The following TMEM242 variants were observed in gnomAD, a reference collection of about 807,000 sequenced individuals.
The protein encoded by TMEM242 is UPF0463 transmembrane protein C6orf35.
Under a neutral mutation model 18.2 loss-of-function variants are expected in TMEM242, and 10 were observed. That is an observed-to-expected ratio of 0.55 (90% confidence interval 0.34 to 0.93). The LOEUF (loss-of-function observed/expected upper bound fraction) is 0.93, where lower values mean the gene tolerates loss of function less well. Among genes scored for constraint, TMEM242 ranks in the 40% least tolerant of loss-of-function variants. TMEM242 has a pLI of 0.02. For synonymous variants in TMEM242, 57 were observed against 69.9 expected, an observed-to-expected ratio of 0.81 and a Z score of 0.92; for missense variants, 186 against 175.5, an observed-to-expected ratio of 1.06 and a Z score of -0.34.
At chr6:157,297,378 GC>G (rs781901743) in intron 3 of TMEM242, among the ~76,000 whole-genome samples, 79 of 152,170 alleles carry the variant, frequency 5.2e-4, no homozygotes, top group Non-Finnish European at 9.4e-4. Flanking sequence ...TTACTTAAAA[GC>G]CTCAGGTTAT....
At chr6:157,313,423 ACCTGGCCTCATCATAGTGCCCCAG>A (rs1778273692) in intron 3 of TMEM242, among the ~76,000 whole-genome samples, 1 of 63,976 alleles carries the variant, frequency 1.6e-5, no homozygotes. Flanking sequence ...GTGTGCGCTC[ACCTGGCCTCATCATAGTGCCCCAG>A]TCTGCGCTCA....
At chr6:157,304,473 AAAAAAAAAAAAAAAAAAAG>A (rs1777878875) in intron 3 of TMEM242, among the ~76,000 whole-genome samples, 1 of 120,420 alleles carries the variant, frequency 8.3e-6, no homozygotes, top group Admixed American at 8.6e-5. Flanking sequence ...AAAAAAAAAA[AAAAAAAAAAAAAAAAAAAG>A]AGAGAGAGAG....
chr6:157,322,821 GGGA>G lies in TMEM242; in HGVS notation c.89-19_89-17del. The G allele has an allele frequency of 6.3e-7, 1 of 1,593,628 alleles. No homozygotes were observed. Among genetic ancestry groups the G allele is most frequent in the Non-Finnish European group, 8.6e-7 (1 of 1,167,646 alleles). On this transcript the variant is annotated splice_polypyrimidine_tract_variant and intron_variant, in intron 1 of 3. Transcript: ENST00000400788. ...AAAATTCCACCTGCCAAGAGTTTCG[GGGA>G]GGAGGGGGGATATTAAAAAAAATTA...
intron 3 of TMEM242, among the ~76,000 whole-genome samples, chr6:157,313,042 G>A (rs797038945): frequency 0.019 from 910 of 48,106 alleles, 1 homozygote; most frequent in South Asian, 0.024. Flanking sequence ...GTGTCCCAGT[G>A]TGCACTCACC....
At chr6:157,312,143 G>C (rs1554249132) in intron 3 of TMEM242, among the ~76,000 whole-genome samples, 2 of 109,892 alleles carry the variant, frequency 1.8e-5, no homozygotes, top group African/African-American at 3.4e-5. Context: ...CGCTCACCTG[G>C]CCTCATCATA....
intron 3 of TMEM242, among the ~76,000 whole-genome samples, chr6:157,307,989 C>T (rs782641208): frequency 2.6e-5 from 4 of 152,160 alleles, no homozygotes; most frequent in African/African-American, 9.7e-5. Context: ...ATGTTTCAGC[C>T]GCTTCTCACA....
At chr6:157,315,029 AG>A (rs1554250203) in intron 3 of TMEM242, among the ~76,000 whole-genome samples, 1 of 152,246 alleles carries the variant, frequency 6.6e-6, no homozygotes, top group African/African-American at 2.4e-5. Flanking sequence ...GATTTTATCT[AG>A]AATGATCATC....
intron 3 of TMEM242, among the ~76,000 whole-genome samples, chr6:157,301,262 G>A (rs1378587793): frequency 6.6e-6 from 1 of 152,000 alleles, no homozygotes; most frequent in Admixed American, 6.6e-5. Flanking sequence ...AAAGATTTCC[G>A]CTTTAGAATA....
At chr6:157,312,202 A>G (rs75873736) in intron 3 of TMEM242, among the ~76,000 whole-genome samples, 5,531 of 29,392 alleles carry the variant, frequency 0.19, 598 homozygotes, top group South Asian at 0.32. Context: ...CCCAGTGTGC[A>G]CTGAGCTAGC....
chr6:157,303,629 A>G (rs1006584748), intron 3 of TMEM242, among the ~76,000 whole-genome samples: 4 of 152,226 alleles, frequency 2.6e-5, no homozygotes, highest in African/African-American at 9.6e-5. Flanking sequence ...CAGCACACAG[A>G]ACCCTTGGTT....
In TMEM242 at chr6:157,323,419, C is replaced by T; in HGVS notation, c.81G>A (p.Leu27=). Residue 27 remains leucine (L), a synonymous_variant, in exon 1 of 4, where the codon CTG becomes CTA. Coordinates refer to ENST00000400788, the MANE Select transcript of TMEM242 (RefSeq NM_018452.6). The part of the protein sequence containing the change: ...APGSTNDRLF[L]VKGGIFLGTV... ...CACCACAGCACATCTTACCTTTAAC[C>T]AGGAAAAGCCGGTCATTCGTGGACC... 6.2e-7 allele frequency: 1 copy of T among 1,614,118 alleles called. No individual in the cohort carries two copies.
chr6:157,313,658 T>TCATAGTGCTCCAGTGTGACC (rs1778293090), intron 3 of TMEM242, among the ~76,000 whole-genome samples: 6 of 96,434 alleles, frequency 6.2e-5, no homozygotes, highest in Admixed American at 9.9e-5. Context: ...CCAGTGTGCA[T>TCATAGTGCTCCAGTGTGACC]TCACCTAGCC....
At chr6:157,323,335 G>GA (rs1452861587) in intron 1 of TMEM242, 77 bp downstream of exon 1, 3 of 1,474,840 alleles carry the variant, frequency 2.0e-6, no homozygotes, top group Non-Finnish European at 2.8e-6. Flanking sequence ...ATGTGTGTGG[G>GA]AATGCCCGCT....
At chr6:157,310,412 T>C (rs1777987486) in intron 3 of TMEM242, among the ~76,000 whole-genome samples, 1 of 152,098 alleles carries the variant, frequency 6.6e-6, no homozygotes, top group Admixed American at 6.5e-5. Flanking sequence ...CAGTGGGCAC[T>C]CACCTGGCCT....
At chr6:157,295,014 C>T (rs1296707545) in intron 3 of TMEM242, among the ~76,000 whole-genome samples, 5 of 152,236 alleles carry the variant, frequency 3.3e-5, no homozygotes, top group African/African-American at 1.2e-4. Flanking sequence ...GCTCAATATA[C>T]ATTAGCTATT....
chr6:157,311,691 CACTGA>C lies in TMEM242; in HGVS notation c.327+7086_327+7090del, dbSNP rs1583566597. Among the ~76,000 whole-genome samples the C allele has an allele frequency of 1.0e-3, 14 of 13,522 alleles. 2 individuals carry two copies. The highest frequency in any genetic ancestry group is 3.7e-3 in the South Asian group (1 of 272). 8.9% of individuals were successfully genotyped at this position (13,522 alleles called of 152,430 possible). A position where few individuals can be genotyped will look rare whatever the true frequency, so the allele number is the denominator to read the frequency against. On this transcript the variant is annotated intron_variant, in intron 3 of 3. Transcript: ENST00000400788. ...GGCCTCATCATAGTGTCCCAGTGTG[CACTGA>C]GCTAGCGTCATCATAGTGCCCCAGT...
chr6:157,312,630 C>G (rs1562385176), intron 3 of TMEM242, among the ~76,000 whole-genome samples: 6 of 151,598 alleles, frequency 4.0e-5, no homozygotes, highest in Admixed American at 6.6e-5. Context: ...CATAGTGTCG[C>G]AGTGTGCACT....
intron 3 of TMEM242, among the ~76,000 whole-genome samples, chr6:157,302,305 A>C (rs184339561): frequency 6.6e-6 from 1 of 152,370 alleles, no homozygotes; most frequent in African/African-American, 2.4e-5. Flanking sequence ...ATAACTTGAA[A>C]TGTTTTAACC....
chr6:157,317,880 T>C (rs1311091873), intron 3 of TMEM242, among the ~76,000 whole-genome samples: 1 of 152,196 alleles, frequency 6.6e-6, no homozygotes, highest in East Asian at 1.9e-4. Context: ...GACATCTGTT[T>C]TCATCAACTT....
Sources: allele counts gnomAD v4.1 joint callset (sites outside exome capture counted in the v4.1 genomes callset), GRCh38; gene constraint gnomAD v4.1.1; transcripts MANE v1.5; gene names NCBI Gene and HGNC (gene_info 2026-07-23, HGNC 2026-07-21).